The following TUSC3 variants were observed in gnomAD, a reference collection of about 807,000 sequenced individuals.
TUSC3 encodes dolichyl-diphosphooligosaccharide--protein glycosyltransferase subunit TUSC3.
In TUSC3, 45 loss-of-function variants were observed where a neutral mutation model predicts 44.8. The ratio of observed to expected loss-of-function variants is 1.00; its 90% CI spans 0.79 to 1.29. The LOEUF (loss-of-function observed/expected upper bound fraction) is 1.29. Among genes scored for constraint, TUSC3 ranks in the 50% most tolerant of loss-of-function variants. The probability of loss-of-function intolerance (pLI) is 0.00; values close to 1 mark genes in which losing one functional copy is unlikely to be tolerated. For missense variants in TUSC3, 519 were observed against 437.9 expected, an observed-to-expected ratio of 1.19 and a Z score of -1.65; for synonymous variants, 212 against 152.9, an observed-to-expected ratio of 1.39 and a Z score of -2.85.
intron 1 of TUSC3, among the ~76,000 whole-genome samples, chr8:15,594,834 G>A (rs1303869539): frequency 6.6e-6 from 1 of 152,092 alleles, no homozygotes; most frequent in Non-Finnish European, 1.5e-5. Flanking sequence ...ATGACTTACA[G>A]GCAGGCAGCA....
At chr8:15,439,907 G>C (rs1799998415) in intron 1 of TUSC3, among the ~76,000 whole-genome samples, 1 of 152,064 alleles carries the variant, frequency 6.6e-6, no homozygotes, top group Admixed American at 6.5e-5. Context: ...GCATCATTTT[G>C]CTTCTTACAA....
intron 1 of TUSC3, among the ~76,000 whole-genome samples, chr8:15,437,734 G>T (rs1036111347): frequency 6.6e-6 from 1 of 152,164 alleles, no homozygotes; most frequent in Non-Finnish European, 1.5e-5. Flanking sequence ...GGAAGCACTG[G>T]AAAGTAGAAA....
intron 1 of TUSC3, among the ~76,000 whole-genome samples, chr8:15,581,588 C>A (rs4419808): frequency 0.089 from 13,242 of 148,652 alleles, 916 homozygotes; most frequent in South Asian, 0.26. Flanking sequence ...TGTGAGGTGT[C>A]AGTGTGCCCC....
intron 1 of TUSC3, among the ~76,000 whole-genome samples, chr8:15,611,303 C>T (rs576825344): frequency 6.6e-6 from 1 of 152,290 alleles, no homozygotes; most frequent in East Asian, 1.9e-4. Flanking sequence ...TCTCCTGCCT[C>T]AGCCTCCCAA....
chr8:15,602,666 ATGTGTGTGTGTGTGTG>A lies in TUSC3; in HGVS notation c.139-20398_139-20383del, dbSNP rs60206119. Among the ~76,000 whole-genome samples, 688 of 145,972 alleles carry A rather than the reference ATGTGTGTGTGTGTGTG, an allele frequency of 4.7e-3. 4 individuals carry two copies. Among genetic ancestry groups the A allele is most frequent in the African/African-American group, 0.016 (657 of 40,196 alleles). ...GGGTTGTGAAGATTAAAATATTTAT[ATGTGTGTGTGTGTGTG>A]TGTGTGTGTGTGTGTATATATGTGT... On this transcript the variant is annotated intron_variant, in intron 1 of 10. Coordinates refer to ENST00000503731, the MANE Select transcript of TUSC3 (RefSeq NM_006765.4).
chr8:15,778,265 A>C, the TUSC3 span, among the ~76,000 whole-genome samples: 1 of 152,164 alleles, frequency 6.6e-6, no homozygotes, highest in African/African-American at 2.4e-5. Context: ...ATTCATACTA[A>C]CGTAATCTGA....
chr8:15,592,966 A>G (rs1367819003), intron 1 of TUSC3, among the ~76,000 whole-genome samples: 1 of 152,200 alleles, frequency 6.6e-6, no homozygotes, highest in Non-Finnish European at 1.5e-5. Context: ...ACTTAGCTAT[A>G]GTGCTTATGA....
intron 7 of TUSC3, among the ~76,000 whole-genome samples, chr8:15,731,513 A>G (rs903544713): frequency 3.9e-5 from 6 of 152,122 alleles, no homozygotes; most frequent in Non-Finnish European, 5.9e-5. Context: ...ATCTTTAACT[A>G]TCTTTGAATT....
intron 6 of TUSC3, among the ~76,000 whole-genome samples, chr8:15,709,617 A>AT (rs1809757627): frequency 2.6e-5 from 4 of 151,724 alleles, no homozygotes. Flanking sequence ...GTGGATGATG[A>AT]GGAGGAGGAT....
At chr8:15,704,612 A>G (rs574019027) in intron 6 of TUSC3, among the ~76,000 whole-genome samples, 21 of 149,298 alleles carry the variant, frequency 1.4e-4, no homozygotes, top group Admixed American at 8.2e-4. Context: ...TCCACAGAAC[A>G]CATAAATACC....
intron 6 of TUSC3, among the ~76,000 whole-genome samples, chr8:15,715,990 A>C (rs1810041269): frequency 1.3e-5 from 2 of 151,982 alleles, no homozygotes; most frequent in Non-Finnish European, 2.9e-5. Flanking sequence ...GTGTGGTGGC[A>C]CTCGCTTGTA....
chr8:15,582,430 G>T (rs1216530822), intron 1 of TUSC3, among the ~76,000 whole-genome samples: 1 of 152,122 alleles, frequency 6.6e-6, no homozygotes, highest in Non-Finnish European at 1.5e-5. Context: ...TGGAAGATAC[G>T]TACCTTCATG....
At chr8:15,572,012 T>A (rs1053022686) in intron 1 of TUSC3, among the ~76,000 whole-genome samples, 23 of 152,162 alleles carry the variant, frequency 1.5e-4, no homozygotes, top group Admixed American at 1.5e-3. Flanking sequence ...GCGCTGGACC[T>A]TAGGCTTTTC....
At chr8:15,589,121 T>C (rs1321892217) in intron 1 of TUSC3, among the ~76,000 whole-genome samples, 2 of 152,172 alleles carry the variant, frequency 1.3e-5, no homozygotes, top group African/African-American at 4.8e-5. Flanking sequence ...CAGATACAAA[T>C]ATAGCTACTC....
At position 15,495,131 on chromosome 8, in the gene TUSC3, T is replaced by C. The variant is rs570366422; in HGVS notation, n.189+11648T>C. On this transcript the variant is annotated intron_variant and non_coding_transcript_variant, in intron 2 of 5. Coordinates refer to the TUSC3 transcript ENST00000503191. ...AGTATTCCCTGGTGTATATGTACCATATTTTCTTCATCCACTCAACCGCTG... is the reference window on the plus strand; with the variant it reads ...AGTATTCCCTGGTGTATATGTACCACATTTTCTTCATCCACTCAACCGCTG... 3.3e-5 allele frequency among the ~76,000 whole-genome samples: 5 copies of C among 151,084 alleles called. No individual in the cohort carries two copies. In the East Asian group the frequency reaches 9.7e-4, roughly 29 times the overall value.
chr8:15,528,583 A>G (rs78045541), intron 2 of TUSC3, among the ~76,000 whole-genome samples: 2,570 of 152,286 alleles, frequency 0.017, 60 homozygotes, highest in African/African-American at 0.053. Flanking sequence ...CAAGGATAGC[A>G]AAATTATCTC....
the TUSC3 span, among the ~76,000 whole-genome samples, chr8:15,784,437 C>T: frequency 6.6e-6 from 1 of 151,628 alleles, no homozygotes; most frequent in African/African-American, 2.4e-5. Context: ...TCACAATAGC[C>T]AAGATATGAA....
chr8:15,771,918 C>G, the TUSC3 span, among the ~76,000 whole-genome samples: 3 of 152,112 alleles, frequency 2.0e-5, no homozygotes, highest in East Asian at 3.9e-4. Context: ...GAAACCCCAT[C>G]TCTACTAAAA....
chr8:15,813,116 A>G, the TUSC3 span, among the ~76,000 whole-genome samples: 1 of 152,060 alleles, frequency 6.6e-6, no homozygotes, highest in African/African-American at 2.4e-5. Flanking sequence ...AAAAAATAAG[A>G]AAGGAAAAAA....
Sources: gnomAD v4.1 joint callset for allele counts (sites outside exome capture counted in the v4.1 genomes callset) on GRCh38, gnomAD v4.1.1 for gene constraint, MANE v1.5 for transcripts, NCBI Gene and HGNC (gene_info 2026-07-23, HGNC 2026-07-21) for gene names.